HUWE1: variants seen among roughly 807,000 people sequenced by gnomAD.
The protein encoded by HUWE1 is E3 ubiquitin-protein ligase HUWE1.
HUWE1 carries 18 observed loss-of-function variants against 299.4 expected under a neutral mutation model. That is an observed-to-expected ratio of 0.06 (90% confidence interval 0.04 to 0.09). The LOEUF is 0.09. HUWE1 is among the 10% of genes least tolerant of loss of function. The pLI is 1.00. For missense variants in HUWE1, 1,832 were observed against 3,462.3 expected, an observed-to-expected ratio of 0.53 and a Z score of 11.82; for synonymous variants, 1,317 against 1,286.1, an observed-to-expected ratio of 1.02 and a Z score of -0.51.
chrX:53,533,259 C>G lies in HUWE1; in HGVS notation c.*50G>C. On this transcript the variant is annotated 3_prime_UTR_variant, in exon 84 of 84. Transcript: ENST00000262854. The stretch of plus-strand genomic sequence containing the variant: ...GGTTCTTTTTTTAACTCCCCCCTCC[C>G]CAGGTCCAACAATGGTAAAAAAAAC... 1.2e-6 allele frequency: 1 copy of G among 811,029 alleles called. No homozygotes were observed. Among genetic ancestry groups the G allele is most frequent in the Non-Finnish European group, 1.9e-6 (1 of 539,621 alleles). 66.8% of individuals were successfully genotyped at this position (811,029 alleles called of 1,213,427 possible).
chrX:53,616,877 C>T (rs782386358), intron 21 of HUWE1, 93 bp downstream of exon 21: 1 of 749,704 alleles, frequency 1.3e-6, no homozygotes, highest in Non-Finnish European at 2.0e-6. Context: ...CTTAGCACAC[C>T]TAACCAGTAA....
chrX:53,579,689 AG>A (rs1181224082), intron 43 of HUWE1, among the ~76,000 whole-genome samples: 2 of 98,293 alleles, frequency 2.0e-5, no homozygotes, highest in African/African-American at 3.7e-5. Flanking sequence ...GTGTCCACTC[AG>A]GGTTAAATGG....
chrX:53,537,428 A>G, intron 78 of HUWE1, 128 bp downstream of exon 78: 1 of 727,150 alleles, frequency 1.4e-6, no homozygotes, highest in Non-Finnish European at 2.1e-6. Context: ...CTAAAACCAG[A>G]TTCCTATGGG....
At chrX:53,658,686 A>G (rs909941271) in intron 3 of HUWE1, among the ~76,000 whole-genome samples, 4 of 112,493 alleles carry the variant, frequency 3.6e-5, no homozygotes, top group Admixed American at 2.8e-4. Flanking sequence ...CTAAACCGAA[A>G]TTACATGTTT....
chrX:53,561,095 A>G (rs1204903724), intron 55 of HUWE1, among the ~76,000 whole-genome samples: 1 of 112,342 alleles, frequency 8.9e-6, no homozygotes, highest in Non-Finnish European at 1.9e-5. Context: ...TTTCATTTAC[A>G]GGTGACAAAC....
At position 53,586,752 on chromosome X, in the gene HUWE1, C is replaced by T. The variant is rs782261348; in HGVS notation, c.4742+30G>A. 25 of 1,208,407 alleles carry T rather than the reference C, an allele frequency of 2.1e-5. No homozygotes were observed. In the East Asian group the frequency reaches 3.0e-4, roughly 14 times the overall value. On this transcript the variant is annotated intron_variant, in intron 38 of 83. Coordinates refer to ENST00000262854, the MANE Select transcript of HUWE1 (RefSeq NM_031407.7). ...GGCCCATGTCCCAGGGAAATAGAAACGAAACTAGGGTAGATATAGGGTTAC... is the reference window on the plus strand; with the variant it reads ...GGCCCATGTCCCAGGGAAATAGAAATGAAACTAGGGTAGATATAGGGTTAC...
At chrX:53,658,836 G>A (rs1454965247) in intron 3 of HUWE1, among the ~76,000 whole-genome samples, 1 of 112,491 alleles carries the variant, frequency 8.9e-6, no homozygotes, top group African/African-American at 3.2e-5. Context: ...TGTTACCCAA[G>A]ATACACAAAG....
At chrX:53,674,999 A>G (rs1266379943) in intron 3 of HUWE1, among the ~76,000 whole-genome samples, 1 of 112,016 alleles carries the variant, frequency 8.9e-6, no homozygotes, top group Non-Finnish European at 1.9e-5. Context: ...TAATGCTCAC[A>G]GCAACCTATG....
In HUWE1 at chrX:53,542,509, G is replaced by A. The variant is rs782423036; in HGVS notation, c.11410C>T (p.Arg3804Trp). Residue 3804 changes from arginine to tryptophan, a missense_variant, in exon 74 of 84, where the codon CGG becomes TGG. By Grantham distance (101) the Arg-to-Trp change is moderately radical (BLOSUM62 -3). Around this residue, in one of 15 missense-constraint regions of HUWE1, gnomAD observed 41 missense variants for 124.0 expected, o/e 0.33. Coordinates refer to ENST00000262854, the MANE Select transcript of HUWE1 (RefSeq NM_031407.7). ...SESSQSEASVRREESPMDVDQ... is the reference protein window; with the variant it reads ...SESSQSEASVWREESPMDVDQ... Reference sequence around the variant, plus strand: ...ACATCCATGGGTGATTCCTCCCTCCGGACAGACGCCTCTGACTGGCTAGAC... The same window carrying A: ...ACATCCATGGGTGATTCCTCCCTCCAGACAGACGCCTCTGACTGGCTAGAC... 2 of 1,201,302 alleles carry A rather than the reference G, an allele frequency of 1.7e-6. No homozygotes were observed. Among genetic ancestry groups the A allele is most frequent in the South Asian group, 1.8e-5 (1 of 56,728 alleles).
At position 53,625,164 on chromosome X, in the gene HUWE1, T is replaced by A. The variant is rs1449476255; in HGVS notation, c.1584A>T (p.Ile528=). The A allele has an allele frequency of 8.6e-7, 1 of 1,163,124 alleles. No homozygotes were observed. Among genetic ancestry groups the A allele is most frequent in the African/African-American group, 1.8e-5 (1 of 56,982 alleles). The change falls in exon 18 of 84, where the codon ATA becomes ATT. Residue 528 remains isoleucine, a synonymous_variant. Transcript: ENST00000262854. ...TTATCTGGAATCAAATACCATGTCG[T>A]ATGCCATCTGAGAAAGCAGGGTCTT... is the stretch of plus-strand genomic sequence containing the variant. ...AIQDPAFSDG[I]RHVMDGSLPT...
intron 82 of HUWE1, 69 bp downstream of exon 82, chrX:53,534,447 G>T: frequency 1.0e-6 from 1 of 965,104 alleles, no homozygotes; most frequent in South Asian, 2.2e-5. Context: ...TGGTTTATTT[G>T]GTATCACACA....
intron 31 of HUWE1, 80 bp downstream of exon 31, chrX:53,594,419 T>C (rs781824230): frequency 1.9e-6 from 2 of 1,059,604 alleles, no homozygotes; most frequent in Non-Finnish European, 2.6e-6. Context: ...ATAGGGTACT[T>C]AAAAGCAGTG....
At chrX:53,640,307 C>T (rs2067498511) in intron 7 of HUWE1, among the ~76,000 whole-genome samples, 1 of 111,790 alleles carries the variant, frequency 8.9e-6, no homozygotes. Context: ...ATGCAGTGAG[C>T]TGATATCGTG....
Position 53,614,516 on chromosome X carries a change from TG to T in HUWE1, c.2261+17del. ...CCCACGATTATATGGCTAGATGATC[TG>T]TTCTGTAAACACTTACTGCTGATTA... On this transcript the variant is annotated intron_variant, in intron 23 of 83. Transcript: ENST00000262854. 4.4e-6 allele frequency: 5 copies of T among 1,144,629 alleles called. No homozygotes were observed. In the South Asian group the frequency reaches 9.0e-5, roughly 21 times the overall value. 94.3% of individuals were successfully genotyped at this position (1,144,629 alleles called of 1,213,427 possible).
chrX:53,679,736 C>G lies in HUWE1; in HGVS notation c.-25+313G>C, dbSNP rs183256538. 1.9e-3 allele frequency among the ~76,000 whole-genome samples: 216 copies of G among 112,457 alleles called. 1 individual carries two copies. Among genetic ancestry groups the G allele is most frequent in the Non-Finnish European group, 2.9e-3 (155 of 53,273 alleles). On this transcript the variant is annotated intron_variant, in intron 3 of 83. Transcript: ENST00000262854. The stretch of plus-strand genomic sequence containing the variant: ...TAAGTGGGGGGATTATTATACTATT[C>G]AATGTTTGCATGTTTGAAATTTTTC...
Position 53,534,021 on chromosome X carries a change from A to G in HUWE1, c.13008T>C (p.Pro4336=), listed in dbSNP as rs782143820. 1 of 1,210,772 alleles carries G rather than the reference A, an allele frequency of 8.3e-7. No individual in the cohort carries two copies. The highest frequency in any genetic ancestry group is 2.2e-5 in the Admixed American group (1 of 46,041). ...CTTCCTTTTACCATGTGTGAGCTGA[A>G]GGCAGGCGATCTGTGGACCTGTCAT... ...HRDDRSTDRL[P]SAHTCFNQLD... Residue 4336 remains proline (P), a synonymous_variant, in exon 83 of 84, where the codon CCT becomes CCC. Coordinates refer to ENST00000262854, the MANE Select transcript of HUWE1 (RefSeq NM_031407.7).
chrX:53,609,941 G>C (rs1221027661), intron 23 of HUWE1, among the ~76,000 whole-genome samples: 1 of 111,905 alleles, frequency 8.9e-6, no homozygotes, highest in Admixed American at 9.4e-5. Context: ...GAGGCATTAT[G>C]AATGACTTCA....
At chrX:53,557,458 A>T in intron 59 of HUWE1, 31 bp from the exon 60 acceptor site, 1 of 1,151,368 alleles carries the variant, frequency 8.7e-7, no homozygotes, top group Non-Finnish European at 1.2e-6. Context: ...CCAATGTGGG[A>T]CTTTGCAAGC....
chrX:53,573,455 C>T (rs1602735276), intron 47 of HUWE1, among the ~76,000 whole-genome samples: 1 of 112,068 alleles, frequency 8.9e-6, no homozygotes, highest in East Asian at 2.8e-4. Context: ...AGGTGCCCGC[C>T]ACCACGCCTG....
Sources: allele counts gnomAD v4.1 joint callset (sites outside exome capture counted in the v4.1 genomes callset), GRCh38; gene constraint gnomAD v4.1.1; regional missense constraint gnomAD v4.1.1; transcripts MANE v1.5; gene names NCBI Gene and HGNC (gene_info 2026-07-23, HGNC 2026-07-21).